DHCR24: variants seen among roughly 807,000 people sequenced by gnomAD.
The protein encoded by DHCR24 is 24-dehydrocholesterol reductase.
A neutral mutation model predicts 61.2 loss-of-function variants in DHCR24; 28 were observed. That is an observed-to-expected ratio of 0.46 (90% CI 0.34 to 0.63). DHCR24 has a LOEUF of 0.63. Among genes scored for constraint, DHCR24 ranks in the 20% least tolerant of loss-of-function variants. The pLI is 0.01. For synonymous variants in DHCR24, 261 were observed against 275.9 expected (o/e 0.95, Z 0.54); for missense variants, 538 against 679.1 (o/e 0.79, Z 2.31).
chr1:54,875,014 A>G, intron 4 of DHCR24, 79 bp downstream of exon 4: 3 of 1,254,342 alleles, frequency 2.4e-6, no homozygotes, highest in Non-Finnish European at 2.3e-6. Context: ...AAGCACACCT[A>G]GAGGAGCCAC....
intron 1 of DHCR24, chr1:54,886,578 C>T (rs981936298): frequency 5.0e-6 from 7 of 1,397,694 alleles, no homozygotes; most frequent in African/African-American, 1.4e-5. Flanking sequence ...CTCCCGGAAG[C>T]CTTTCCTTCT....
Position 54,887,109 on chromosome 1 carries a change from G to T in DHCR24, c.11C>A (p.Ala4Asp), listed in dbSNP as rs751835288. 2.5e-6 allele frequency: 4 copies of T among 1,586,406 alleles called. No individual in the cohort carries two copies. The highest frequency in any genetic ancestry group is 3.4e-6 in the Non-Finnish European group (4 of 1,167,052). ...CAGCGCGCACACGGCCAGCGACACGGCGGGCTCCATGGTGCGGCGCCGCGC... is the reference window on the plus strand; with the variant it reads ...CAGCGCGCACACGGCCAGCGACACGTCGGGCTCCATGGTGCGGCGCCGCGC... MEP[A>D]VSLAVCALLF... The change falls in exon 1 of 9, where the codon GCC becomes GAC. Residue 4 changes from alanine to aspartate, a missense_variant. By Grantham distance (126) the Ala-to-Asp change is moderately radical. Coordinates refer to ENST00000371269, the MANE Select transcript of DHCR24 (RefSeq NM_014762.4).
At position 54,854,238 on chromosome 1, in the gene DHCR24, G is replaced by A. The variant is rs1373536785; in HGVS notation, c.1021-4C>T. 1 of 1,611,938 alleles carries A rather than the reference G, an allele frequency of 6.2e-7. No homozygotes were observed. Among genetic ancestry groups the A allele is most frequent in the Non-Finnish European group, 8.5e-7 (1 of 1,178,998 alleles). On this transcript the variant is annotated splice_region_variant and splice_polypyrimidine_tract_variant and intron_variant, in intron 6 of 8. Coordinates refer to ENST00000371269, the MANE Select transcript of DHCR24 (RefSeq NM_014762.4). The stretch of plus-strand genomic sequence containing the variant: ...TGTTGCCAAAGGGGATAATGTCCTG[G>A]AAAACAAAGATTAGGGTTGGAGAGA...
chr1:54,852,787 C>T (rs1006869225), intron 8 of DHCR24, among the ~76,000 whole-genome samples: 2 of 152,184 alleles, frequency 1.3e-5, no homozygotes, highest in African/African-American at 4.8e-5. Flanking sequence ...CAACCAAGGA[C>T]TCCAATCACT....
Position 54,865,371 on chromosome 1 carries a change from C to T in DHCR24, c.952G>A (p.Gly318Ser), listed in dbSNP as rs774266025. The change falls in exon 6 of 9, where the codon GGC becomes AGC. Residue 318 changes from glycine (G) to serine (S), a missense_variant. Gly to Ser is a moderately conservative substitution (Grantham distance 56). Coordinates refer to ENST00000371269, the MANE Select transcript of DHCR24 (RefSeq NM_014762.4). The stretch of plus-strand genomic sequence containing the variant: ...TGTCTCAAGGGAATGTACTCCAGGC[C>T]CTCTCGGTTTGTCTTCAGATAGTTC... ...VENYLKTNRE[G>S]LEYIPLRHYY... 18 of 1,614,154 alleles carry T rather than the reference C, an allele frequency of 1.1e-5. No homozygotes were observed. The highest frequency in any genetic ancestry group is 1.4e-5 in the Non-Finnish European group (17 of 1,180,038).
chr1:54,883,932 C>T lies in DHCR24; in HGVS notation c.232-159G>A, dbSNP rs1189163799. Among the ~76,000 whole-genome samples, 1 of 152,226 alleles carries T rather than the reference C, an allele frequency of 6.6e-6. No homozygotes were observed. The highest frequency in any genetic ancestry group is 1.5e-5 in the Non-Finnish European group (1 of 68,046). ...CTGCTGGCCCTACCCTCTGGCACCT[C>T]CCTGGCCAGCAAGGCTGACAGAAAA... On this transcript the variant is annotated intron_variant, in intron 1 of 8. Transcript: ENST00000371269. This position sits in a 1 kb window ranked among gnomAD's most constrained non-coding sequence, Gnocchi z 4.3.
In DHCR24 at chr1:54,883,851, G is replaced by A; in HGVS notation, c.232-78C>T. The A allele has an allele frequency of 6.3e-7, 1 of 1,594,176 alleles. No homozygotes were observed. The highest frequency in any genetic ancestry group is 8.6e-7 in the Non-Finnish European group (1 of 1,167,600). ...GCCTGCAGCCCTGCTTTCTTCAAGG[G>A]CGAGCTGGGAATGATGCCTCCATCA... is the stretch of plus-strand genomic sequence containing the variant. On this transcript the variant is annotated intron_variant, in intron 1 of 8. Coordinates refer to ENST00000371269, the MANE Select transcript of DHCR24 (RefSeq NM_014762.4). This position sits in a 1 kb window ranked among gnomAD's most constrained non-coding sequence, Gnocchi z 4.3.
At chr1:54,870,148 G>A (rs1646990309) in intron 5 of DHCR24, among the ~76,000 whole-genome samples, 2 of 151,836 alleles carry the variant, frequency 1.3e-5, no homozygotes, top group African/African-American at 4.8e-5. Flanking sequence ...CTTGAGCCCT[G>A]GAGTTCAAGG....
At chr1:54,871,679 T>C in intron 4 of DHCR24, 66 bp from the exon 5 acceptor site, 1 of 1,608,136 alleles carries the variant, frequency 6.2e-7, no homozygotes, top group Non-Finnish European at 8.5e-7. Flanking sequence ...ATGCAGTCAG[T>C]GGGGGAGCAA....
chr1:54,886,668 A>G, intron 1 of DHCR24: 1 of 1,496,564 alleles, frequency 6.7e-7, no homozygotes, highest in Non-Finnish European at 8.9e-7. Flanking sequence ...CCCTCCAGGT[A>G]CCCGCATATG....
chr1:54,859,815 T>C (rs57777659), intron 6 of DHCR24, among the ~76,000 whole-genome samples: 40,696 of 152,132 alleles, frequency 0.27, 5,704 homozygotes, highest in East Asian at 0.38. Context: ...TCCACCCACA[T>C]TGGGAGTGGC....
chr1:54,874,195 T>G (rs951589863), intron 4 of DHCR24, among the ~76,000 whole-genome samples: 7 of 152,228 alleles, frequency 4.6e-5, no homozygotes, highest in Non-Finnish European at 7.3e-5. Flanking sequence ...ATAAATTTAG[T>G]GTAGCCTAAG....
chr1:54,882,920 T>C (rs1647072199), intron 2 of DHCR24, among the ~76,000 whole-genome samples: 1 of 152,076 alleles, frequency 6.6e-6, no homozygotes, highest in Non-Finnish European at 1.5e-5. Flanking sequence ...GTGATGGGTA[T>C]GTTTGTTGTC....
chr1:54,867,891 CA>C (rs1481495845), intron 5 of DHCR24, among the ~76,000 whole-genome samples: 1 of 152,190 alleles, frequency 6.6e-6, no homozygotes, highest in Non-Finnish European at 1.5e-5. Context: ...CAGTGTCCCA[CA>C]GGGAGCAATG....
chr1:54,862,706 G>A, intron 6 of DHCR24, among the ~76,000 whole-genome samples: 1 of 152,082 alleles, frequency 6.6e-6, no homozygotes, highest in East Asian at 1.9e-4. Context: ...CACGTCACTG[G>A]CTCCTGCTGT....
At chr1:54,879,483 C>T (rs1464852752) in intron 2 of DHCR24, among the ~76,000 whole-genome samples, 1 of 151,960 alleles carries the variant, frequency 6.6e-6, no homozygotes, top group Non-Finnish European at 1.5e-5. Context: ...CAGAAACCAA[C>T]CAAAATGAAA....
chr1:54,869,448 T>G (rs1290158309), intron 5 of DHCR24, among the ~76,000 whole-genome samples: 1 of 152,224 alleles, frequency 6.6e-6, no homozygotes, highest in African/African-American at 2.4e-5. Flanking sequence ...AATGTGAGTC[T>G]TAAATCTTCA....
intron 1 of DHCR24, among the ~76,000 whole-genome samples, chr1:54,886,108 T>C (rs771296627): frequency 3.9e-5 from 6 of 152,102 alleles, no homozygotes; most frequent in African/African-American, 7.2e-5. Flanking sequence ...TGCAACCTGA[T>C]GCCAACAAGA....
intron 3 of DHCR24, 83 bp from the exon 4 acceptor site, chr1:54,875,294 G>C: frequency 8.3e-7 from 1 of 1,207,602 alleles, no homozygotes; most frequent in Non-Finnish European, 1.2e-6. Context: ...GGGCCTCCTA[G>C]CATGAGGGAG....
Sources: gnomAD v4.1 joint callset for allele counts (sites outside exome capture counted in the v4.1 genomes callset) on GRCh38, gnomAD v4.1.1 for gene constraint, Gnocchi (gnomAD v3.1) non-coding constraint, MANE v1.5 for transcripts, NCBI Gene and HGNC (gene_info 2026-07-23, HGNC 2026-07-21) for gene names.